MGAT4C: variants seen among roughly 807,000 people sequenced by gnomAD.
MGAT4C encodes MGAT4 family member C.
MGAT4C carries 19 observed loss-of-function variants against 40.1 expected under a neutral mutation model. That is an observed-to-expected ratio of 0.47 (90% CI 0.33 to 0.70). MGAT4C has a LOEUF of 0.70. Ranked by LOEUF, MGAT4C falls within the 30% of genes least tolerant of loss-of-function variation. The probability of loss-of-function intolerance (pLI) is 0.02; values close to 1 mark genes in which losing one functional copy is unlikely to be tolerated. For synonymous variants in MGAT4C, 181 were observed against 187.1 expected (o/e 0.97, Z 0.27); for missense variants, 491 against 563.2 (o/e 0.87, Z 1.30).
intron 3 of MGAT4C, among the ~76,000 whole-genome samples, chr12:86,406,782 T>C (rs917018373): frequency 1.3e-5 from 2 of 152,200 alleles, no homozygotes; most frequent in Admixed American, 6.6e-5. Flanking sequence ...TGAGATAAAC[T>C]TTTTTATCTC....
intron 1 of MGAT4C, among the ~76,000 whole-genome samples, chr12:86,742,596 T>G (rs1951084844): frequency 6.6e-6 from 1 of 151,452 alleles, no homozygotes; most frequent in Admixed American, 6.6e-5. Flanking sequence ...TTAGTCTGTT[T>G]AGCCTAAATG....
chr12:86,481,363 C>T (rs950943535), intron 2 of MGAT4C, among the ~76,000 whole-genome samples: 1 of 152,046 alleles, frequency 6.6e-6, no homozygotes, highest in Non-Finnish European at 1.5e-5. Flanking sequence ...GAAATGATTG[C>T]TCTCATATGC....
At chr12:85,988,186 A>G (rs551699802) in intron 3 of MGAT4C, among the ~76,000 whole-genome samples, 11 of 152,296 alleles carry the variant, frequency 7.2e-5, no homozygotes, top group Admixed American at 2.6e-4. Context: ...GGAGAGAAAC[A>G]TTAAGGGTCC....
intron 3 of MGAT4C, among the ~76,000 whole-genome samples, chr12:86,422,620 C>T (rs998680727): frequency 1.5e-4 from 23 of 152,096 alleles, no homozygotes; most frequent in African/African-American, 5.1e-4. Context: ...CCTATGCTAA[C>T]TCTCAATTTA....
At chr12:86,338,018 G>T (rs183840591) in intron 3 of MGAT4C, among the ~76,000 whole-genome samples, 1 of 152,236 alleles carries the variant, frequency 6.6e-6, no homozygotes, top group African/African-American at 2.4e-5. Context: ...CGCCCAATGG[G>T]TTCACCTTGC....
chr12:86,492,232 T>G (rs1313392431), intron 2 of MGAT4C, among the ~76,000 whole-genome samples: 1 of 152,172 alleles, frequency 6.6e-6, no homozygotes, highest in Non-Finnish European at 1.5e-5. Context: ...CAAGGTAAGT[T>G]ATAGATTCAA....
At chr12:86,080,486 T>C (rs1348060110) in intron 1 of MGAT4C, among the ~76,000 whole-genome samples, 1 of 152,182 alleles carries the variant, frequency 6.6e-6, no homozygotes, top group Non-Finnish European at 1.5e-5. Flanking sequence ...CCTGAAAATA[T>C]GTGAAGTGCT....
intron 2 of MGAT4C, among the ~76,000 whole-genome samples, chr12:86,582,769 G>A (rs1214976148): frequency 6.6e-6 from 1 of 151,184 alleles, no homozygotes; most frequent in Non-Finnish European, 1.5e-5. Flanking sequence ...GAGAAGTAGA[G>A]TCCCAAGGAC....
intron 1 of MGAT4C, among the ~76,000 whole-genome samples, chr12:86,756,465 C>T (rs1951305408): frequency 6.6e-6 from 1 of 151,904 alleles, no homozygotes; most frequent in African/African-American, 2.4e-5. Flanking sequence ...CAGAGATATG[C>T]TCCCCTCTAA....
At chr12:86,260,044 C>T (rs1952628100), upstream of MGAT4C, among the ~76,000 whole-genome samples, 1 of 151,858 alleles carries the variant, frequency 6.6e-6, no homozygotes, top group South Asian at 2.1e-4. Flanking sequence ...ACTACATAGA[C>T]ACATAATTAA....
intron 1 of MGAT4C, among the ~76,000 whole-genome samples, chr12:86,765,201 G>A (rs1051497045): frequency 2.0e-5 from 3 of 152,248 alleles, no homozygotes; most frequent in South Asian, 2.1e-4. Flanking sequence ...GCCAAGGCTC[G>A]AGAACTACGT....
At chr12:86,791,093 T>C (rs1952013405) in intron 1 of MGAT4C, among the ~76,000 whole-genome samples, 1 of 152,120 alleles carries the variant, frequency 6.6e-6, no homozygotes, top group Non-Finnish European at 1.5e-5. Context: ...TAAGGGGACA[T>C]GTAGGTGCTG....
chr12:86,466,316 G>T (rs1399139933), intron 2 of MGAT4C, among the ~76,000 whole-genome samples: 2 of 152,172 alleles, frequency 1.3e-5, no homozygotes, highest in Non-Finnish European at 2.9e-5. Flanking sequence ...TTTATGGATA[G>T]CTATACTGTG....
chr12:86,086,387 C>G (rs10746360), intron 1 of MGAT4C, among the ~76,000 whole-genome samples: 120,090 of 151,678 alleles, frequency 0.79, 48,069 homozygotes, highest in East Asian at 0.97. Flanking sequence ...GGGCCTTTTG[C>G]GGGTGGGGAG....
intron 1 of MGAT4C, among the ~76,000 whole-genome samples, chr12:86,728,741 G>A (rs1321455887): frequency 1.3e-5 from 2 of 152,124 alleles, no homozygotes; most frequent in Non-Finnish European, 2.9e-5. Flanking sequence ...TGAGTTTGCT[G>A]CATATTAGGC....
intron 2 of MGAT4C, among the ~76,000 whole-genome samples, chr12:86,673,267 A>G (rs1964307455): frequency 6.6e-6 from 1 of 152,202 alleles, no homozygotes; most frequent in Admixed American, 6.6e-5. Flanking sequence ...TTCATCTTTA[A>G]AATGGAGATA....
chr12:86,325,250 T>C (rs1954498107), intron 4 of MGAT4C, among the ~76,000 whole-genome samples: 1 of 152,192 alleles, frequency 6.6e-6, no homozygotes, highest in Admixed American at 6.6e-5. Flanking sequence ...AAAAGTTTTG[T>C]CCTCCATGTA....
At chr12:86,164,392 T>C (rs1006697717) in intron 1 of MGAT4C, among the ~76,000 whole-genome samples, 2 of 152,216 alleles carry the variant, frequency 1.3e-5, no homozygotes, top group Admixed American at 6.5e-5. Flanking sequence ...TATTTAATCA[T>C]ACATATTTAA....
At chr12:86,463,275 C>A (rs1957629158) in intron 2 of MGAT4C, among the ~76,000 whole-genome samples, 1 of 152,108 alleles carries the variant, frequency 6.6e-6, no homozygotes, top group Non-Finnish European at 1.5e-5. Flanking sequence ...TATAAAAAGA[C>A]CTTTTCACAT....
Sources: allele counts gnomAD v4.1 joint callset (sites outside exome capture counted in the v4.1 genomes callset), GRCh38; gene constraint gnomAD v4.1.1; transcripts MANE v1.5; gene names NCBI Gene and HGNC (gene_info 2026-07-23, HGNC 2026-07-21).